Variants in SLC30A6 observed in about 807,000 individuals in gnomAD.
SLC30A6 encodes the protein solute carrier family 30 member 6, also known as zinc transporter 6.
Under a neutral mutation model 63.0 loss-of-function variants are expected in SLC30A6, and 55 were observed. The ratio of observed to expected loss-of-function variants is 0.87; its 90% CI spans 0.70 to 1.09. SLC30A6 has a LOEUF of 1.09. Ranked by LOEUF, SLC30A6 falls within the 50% of genes least tolerant of loss-of-function variation. The probability of loss-of-function intolerance (pLI) is 0.00; values close to 1 mark genes in which losing one functional copy is unlikely to be tolerated. For synonymous variants in SLC30A6, 224 were observed against 186.1 expected (o/e 1.20, Z -1.66); for missense variants, 587 against 549.2 (o/e 1.07, Z -0.69).
At chr2:32,219,265 G>T (rs116787227) in intron 13 of SLC30A6, among the ~76,000 whole-genome samples, 13 of 149,712 alleles carry the variant, frequency 8.7e-5, no homozygotes, top group Non-Finnish European at 1.9e-4. Flanking sequence ...AACTCCTGAC[G>T]TCAGGGGTGA....
chr2:32,212,086 T>C (rs2148899809), intron 13 of SLC30A6, among the ~76,000 whole-genome samples: 1 of 152,332 alleles, frequency 6.6e-6, no homozygotes, highest in East Asian at 1.9e-4. Flanking sequence ...TGTTATTTTC[T>C]TTCAAATTCT....
chr2:32,209,375 G>A (rs1045535627), intron 12 of SLC30A6, 118 bp from the exon 13 acceptor site: 2 of 707,980 alleles, frequency 2.8e-6, no homozygotes, highest in South Asian at 2.0e-5. Flanking sequence ...GCTAATGAGT[G>A]TCCTTGTGCA....
chr2:32,168,636 C>T (rs1680897996), intron 1 of SLC30A6, among the ~76,000 whole-genome samples: 1 of 152,094 alleles, frequency 6.6e-6, no homozygotes, highest in Non-Finnish European at 1.5e-5. Context: ...AAACTAAGTA[C>T]TTTGTGCCCC....
At chr2:32,185,245 C>T (rs1682704088) in intron 5 of SLC30A6, among the ~76,000 whole-genome samples, 1 of 151,898 alleles carries the variant, frequency 6.6e-6, no homozygotes, top group Admixed American at 6.6e-5. Flanking sequence ...CCTGTGGTCC[C>T]AGCTGCTTGG....
chr2:32,203,852 G>T, intron 10 of SLC30A6: 1 of 1,249,470 alleles, frequency 8.0e-7, no homozygotes. Context: ...TGGTCAAGTG[G>T]CCAGTCGGGC....
At chr2:32,210,547 A>AATG (rs1558422486) in intron 13 of SLC30A6, among the ~76,000 whole-genome samples, 2 of 150,944 alleles carry the variant, frequency 1.3e-5, no homozygotes, top group African/African-American at 2.4e-5. Flanking sequence ...AACAACAGAA[A>AATG]ATGAGATCAT....
At chr2:32,197,292 T>G in intron 8 of SLC30A6, 52 bp from the exon 9 acceptor site, 6 of 1,471,064 alleles carry the variant, frequency 4.1e-6, no homozygotes, top group Non-Finnish European at 5.5e-6. Context: ...ATATTTCAGG[T>G]AGTGGTTTTT....
intron 13 of SLC30A6, among the ~76,000 whole-genome samples, chr2:32,216,369 C>G (rs553259822): frequency 5.4e-4 from 82 of 152,140 alleles, no homozygotes; most frequent in South Asian, 1.5e-3. Context: ...AATCCTATCT[C>G]TACTAAAAAT....
intron 2 of SLC30A6, among the ~76,000 whole-genome samples, chr2:32,171,728 T>A (rs576826481): frequency 6.6e-6 from 1 of 152,136 alleles, no homozygotes; most frequent in African/African-American, 2.4e-5. Flanking sequence ...GTTACACTCT[T>A]GTTGCCTAAG....
intron 13 of SLC30A6, among the ~76,000 whole-genome samples, chr2:32,216,199 C>T (rs1391465106): frequency 6.6e-6 from 1 of 152,166 alleles, no homozygotes; most frequent in African/African-American, 2.4e-5. Context: ...ACTCCCTTTT[C>T]TCTGCAGCCT....
chr2:32,197,973 C>A, intron 10 of SLC30A6, 147 bp downstream of exon 10: 1 of 934,334 alleles, frequency 1.1e-6, no homozygotes. Flanking sequence ...TAGGTGTCTT[C>A]ATCTGAAAAA....
chr2:32,204,952 C>T (rs1271042283), intron 11 of SLC30A6, among the ~76,000 whole-genome samples: 3 of 151,784 alleles, frequency 2.0e-5, no homozygotes, highest in East Asian at 3.9e-4. Flanking sequence ...TAACAAACTA[C>T]AGGCACACAC....
intron 5 of SLC30A6, among the ~76,000 whole-genome samples, chr2:32,188,029 C>A (rs1014197057): frequency 6.6e-6 from 1 of 152,130 alleles, no homozygotes; most frequent in African/African-American, 2.4e-5. Context: ...AGAATAAAAT[C>A]CTAACTCCTT....
At chr2:32,177,221 A>G (rs867193588) in intron 4 of SLC30A6, among the ~76,000 whole-genome samples, 2 of 152,190 alleles carry the variant, frequency 1.3e-5, no homozygotes, top group Non-Finnish European at 2.9e-5. Flanking sequence ...TACTCTGGAC[A>G]TGTCATATAA....
At chr2:32,170,667 T>C (rs1488628132) in intron 1 of SLC30A6, among the ~76,000 whole-genome samples, 1 of 152,170 alleles carries the variant, frequency 6.6e-6, no homozygotes, top group African/African-American at 2.4e-5. Flanking sequence ...GGCACAATCT[T>C]GACTCACTGC....
chr2:32,209,024 A>G (rs1208211190), intron 12 of SLC30A6, among the ~76,000 whole-genome samples: 2 of 152,176 alleles, frequency 1.3e-5, no homozygotes, highest in Non-Finnish European at 2.9e-5. Flanking sequence ...GCTACACACT[A>G]TATATCTGGC....
intron 5 of SLC30A6, among the ~76,000 whole-genome samples, chr2:32,192,025 C>G (rs1683372998): frequency 6.6e-6 from 1 of 150,530 alleles, no homozygotes; most frequent in African/African-American, 2.4e-5. Flanking sequence ...ATAATTGGGT[C>G]CTGGTAATTG....
At chr2:32,172,718 A>G (rs538677574) in intron 2 of SLC30A6, among the ~76,000 whole-genome samples, 4 of 38,816 alleles carry the variant, frequency 1.0e-4, no homozygotes, top group Admixed American at 2.4e-4. Context: ...AGTGCTGCCT[A>G]TTAAGTGCTG....
rs1418644347 is a variant in SLC30A6 at position 32,223,979 on chromosome 2, T to C, written c.*3266T>C. 3 of 152,330 alleles carry C rather than the reference T, an allele frequency of 2.0e-5. No homozygotes were observed. The highest frequency in any genetic ancestry group is 4.4e-5 in the Non-Finnish European group (3 of 68,124). 9.4% of individuals were successfully genotyped at this position (152,330 alleles called of 1,614,324 possible). A position where few individuals can be genotyped will look rare whatever the true frequency, so the allele number is the denominator to read the frequency against. Reference sequence around the variant, plus strand: ...CTGTTTGTAAACTTCCAAGTTTTGCTTGACTAAAGAATGCTGATCTTTTTT... The same window carrying C: ...CTGTTTGTAAACTTCCAAGTTTTGCCTGACTAAAGAATGCTGATCTTTTTT... On this transcript the variant is annotated 3_prime_UTR_variant, in exon 14 of 14. Coordinates refer to ENST00000282587, the MANE Select transcript of SLC30A6 (RefSeq NM_017964.5).
Sources: allele counts gnomAD v4.1 joint callset (sites outside exome capture counted in the v4.1 genomes callset), GRCh38; gene constraint gnomAD v4.1.1; transcripts MANE v1.5; gene names NCBI Gene and HGNC (gene_info 2026-07-23, HGNC 2026-07-21).